NAALADL2: variants seen among roughly 807,000 people sequenced by gnomAD.
NAALADL2 encodes the protein inactive N-acetylated-alpha-linked acidic dipeptidase-like protein 2.
Under a neutral mutation model 87.2 loss-of-function variants are expected in NAALADL2, and 76 were observed. The observed-to-expected ratio is 0.87, with a 90% CI of 0.72 to 1.05. NAALADL2 has a LOEUF of 1.05. Among genes scored for constraint, NAALADL2 ranks in the 50% least tolerant of loss-of-function variants. NAALADL2 has a pLI of 0.00. For synonymous variants in NAALADL2, 354 were observed against 331.0 expected, an observed-to-expected ratio of 1.07 and a Z score of -0.75; for missense variants, 1,089 against 945.8, an observed-to-expected ratio of 1.15 and a Z score of -1.99.
At chr3:175,274,632 T>C (rs1427065102) in intron 4 of NAALADL2, among the ~76,000 whole-genome samples, 2 of 152,146 alleles carry the variant, frequency 1.3e-5, no homozygotes, top group Admixed American at 6.5e-5. Flanking sequence ...GAGTCAGTCA[T>C]TTTGGGTCTT....
intron 3 of NAALADL2, among the ~76,000 whole-genome samples, chr3:174,768,869 G>T (rs1245973164): frequency 3.3e-5 from 5 of 151,534 alleles, no homozygotes; most frequent in Non-Finnish European, 5.9e-5. Flanking sequence ...TTTTAATTTT[G>T]CCACTGATTT....
chr3:174,898,852 A>C (rs534611819), intron 1 of NAALADL2, among the ~76,000 whole-genome samples: 1 of 152,294 alleles, frequency 6.6e-6, no homozygotes, highest in South Asian at 2.1e-4. Flanking sequence ...TGGAGGAAGA[A>C]GTAGTGATTA....
At chr3:175,357,231 A>G (rs1764480011) in intron 5 of NAALADL2, among the ~76,000 whole-genome samples, 1 of 152,160 alleles carries the variant, frequency 6.6e-6, no homozygotes, top group Non-Finnish European at 1.5e-5. Flanking sequence ...AACCTACACT[A>G]AGGAATAGGT....
At chr3:174,522,116 C>G (rs531583355) in intron 1 of NAALADL2, among the ~76,000 whole-genome samples, 6 of 151,900 alleles carry the variant, frequency 3.9e-5, no homozygotes, top group Non-Finnish European at 8.8e-5. Context: ...AAAAATAAAG[C>G]CATGCACAAT....
chr3:175,719,221 C>CA (rs372495246), intron 11 of NAALADL2, among the ~76,000 whole-genome samples: 71 of 131,062 alleles, frequency 5.4e-4, no homozygotes, highest in Middle Eastern at 4.0e-3. Context: ...ATGGGGGTTA[C>CA]AAAAAAAAAA....
intron 11 of NAALADL2, among the ~76,000 whole-genome samples, chr3:175,692,312 CT>C (rs2149921560): frequency 6.6e-6 from 1 of 152,164 alleles, no homozygotes; most frequent in East Asian, 1.9e-4. Flanking sequence ...GAGCTTGGAT[CT>C]GGAAGTGGTA....
At chr3:174,475,457 AT>A (rs11338258) in intron 1 of NAALADL2, among the ~76,000 whole-genome samples, 69,560 of 150,582 alleles carry the variant, frequency 0.46, 17,511 homozygotes, top group East Asian at 0.92. Flanking sequence ...TAATTGTGTA[AT>A]TTTTTTTTTA....
intron 3 of NAALADL2, among the ~76,000 whole-genome samples, chr3:174,783,764 C>G (rs533411898): frequency 1.3e-5 from 2 of 152,148 alleles, no homozygotes; most frequent in East Asian, 3.9e-4. Context: ...CTAGAGGGTT[C>G]AGGTGGACAA....
chr3:174,456,704 T>TA lies in NAALADL2; in HGVS notation c.-184+15680dup, dbSNP rs1380616903. Among the ~76,000 whole-genome samples the TA allele has an allele frequency of 3.9e-4, 59 of 151,654 alleles. 1 individual carries two copies. The highest frequency in any genetic ancestry group is 2.1e-4 in the South Asian group (1 of 4,802). On this transcript the variant is annotated intron_variant, in intron 1 of 3. Transcript: ENST00000434257. ...AACTGGACCCCTTCCTTATACCATA[T>TA]AAAAAAAATCAACTCAAGATGGATC...
chr3:175,544,412 G>C (rs921162942), intron 9 of NAALADL2, among the ~76,000 whole-genome samples: 1 of 152,130 alleles, frequency 6.6e-6, no homozygotes, highest in Non-Finnish European at 1.5e-5. Flanking sequence ...GATAGAGATG[G>C]TCTCGGTTTT....
intron 5 of NAALADL2, among the ~76,000 whole-genome samples, chr3:175,327,031 A>C (rs932774079): frequency 2.0e-5 from 3 of 152,212 alleles, no homozygotes; most frequent in African/African-American, 7.2e-5. Flanking sequence ...AGTAATTTAG[A>C]ACAACCCAAA....
intron 2 of NAALADL2, among the ~76,000 whole-genome samples, chr3:174,568,875 G>T (rs1208513207): frequency 6.7e-6 from 1 of 150,232 alleles, no homozygotes; most frequent in Non-Finnish European, 1.5e-5. Flanking sequence ...TAGAATTTTA[G>T]AATATTTTCG....
rs149383448 is a variant in NAALADL2, at chr3:174,746,193, C to A, written c.-9+8447C>A. ...TATCTAGAAAATCCCATTGTTTCAG[C>A]CTAAGAGCTCCTTAAGCTGATAAGC... On this transcript the variant is annotated intron_variant, in intron 3 of 3. Coordinates refer to the NAALADL2 transcript ENST00000434257. Among the ~76,000 whole-genome samples the A allele has an allele frequency of 7.5e-3, 1,136 of 152,236 alleles. 13 individuals are homozygous for A. Among genetic ancestry groups the A allele is most frequent in the African/African-American group, 0.026 (1,098 of 41,534 alleles).
chr3:174,786,224 G>T (rs1302102352), intron 3 of NAALADL2, among the ~76,000 whole-genome samples: 6 of 152,046 alleles, frequency 3.9e-5, no homozygotes, highest in Admixed American at 2.0e-4. Flanking sequence ...GCCAAGGCGG[G>T]CAGATCATGA....
intron 13 of NAALADL2, among the ~76,000 whole-genome samples, chr3:175,757,362 A>C (rs1299534050): frequency 6.6e-6 from 1 of 152,102 alleles, no homozygotes; most frequent in Non-Finnish European, 1.5e-5. Flanking sequence ...AAGCACCTGA[A>C]TATTTGGACC....
At chr3:175,709,768 G>A (rs1328434478) in intron 11 of NAALADL2, among the ~76,000 whole-genome samples, 1 of 152,016 alleles carries the variant, frequency 6.6e-6, no homozygotes, top group Non-Finnish European at 1.5e-5. Context: ...TAAAGATCTG[G>A]CATTCACAAA....
At chr3:175,292,257 A>C (rs1755727948) in intron 4 of NAALADL2, among the ~76,000 whole-genome samples, 1 of 152,222 alleles carries the variant, frequency 6.6e-6, no homozygotes, top group Non-Finnish European at 1.5e-5. Flanking sequence ...AGCAAAACCC[A>C]GCAAATAACT....
intron 1 of NAALADL2, among the ~76,000 whole-genome samples, chr3:174,920,417 G>A (rs1019593258): frequency 7.9e-5 from 12 of 152,124 alleles, no homozygotes; most frequent in Non-Finnish European, 1.2e-4. Context: ...ATGTTATAGC[G>A]ATGGTTTCTT....
intron 1 of NAALADL2, among the ~76,000 whole-genome samples, chr3:174,547,131 T>C (rs780326203): frequency 2.6e-5 from 4 of 152,160 alleles, no homozygotes; most frequent in Non-Finnish European, 5.9e-5. Context: ...AAAGTGTATA[T>C]TTTCTTTCTA....
Sources: allele counts gnomAD v4.1 joint callset (sites outside exome capture counted in the v4.1 genomes callset), GRCh38; gene constraint gnomAD v4.1.1; transcripts MANE v1.5; gene names NCBI Gene and HGNC (gene_info 2026-07-23, HGNC 2026-07-21).